CMSS1: variants seen among roughly 807,000 people sequenced by gnomAD.
CMSS1 encodes the protein protein CMSS1.
A neutral mutation model predicts 43.5 loss-of-function variants in CMSS1; 33 were observed. The ratio of observed to expected loss-of-function variants is 0.76; its 90% CI spans 0.57 to 1.01. The LOEUF (loss-of-function observed/expected upper bound fraction) is 1.01. CMSS1 is among the 50% of genes least tolerant of loss of function. The pLI, the probability that CMSS1 is intolerant of heterozygous loss-of-function variation, is 0.00. For missense variants in CMSS1, 313 were observed against 326.4 expected (o/e 0.96, Z 0.32); for synonymous variants, 115 against 117.2 (o/e 0.98, Z 0.12).
chr3:100,086,421 GAA>G (rs374149787), intron 1 of CMSS1, among the ~76,000 whole-genome samples: 6 of 151,696 alleles, frequency 4.0e-5, no homozygotes, highest in Admixed American at 2.0e-4. Context: ...CATAAAGGGG[GAA>G]AAAAAATCCA....
chr3:99,907,536 C>T (rs959977254), intron 1 of CMSS1, among the ~76,000 whole-genome samples: 5 of 152,192 alleles, frequency 3.3e-5, no homozygotes, highest in Admixed American at 6.5e-5. Flanking sequence ...CGTGAGCCAA[C>T]GCACCTGGCG....
intron 1 of CMSS1, among the ~76,000 whole-genome samples, chr3:99,956,991 A>G (rs1708339441): frequency 6.6e-6 from 1 of 152,214 alleles, no homozygotes; most frequent in African/African-American, 2.4e-5. Flanking sequence ...CCAGGGCTCT[A>G]GCTGGATTTA....
intron 1 of CMSS1, among the ~76,000 whole-genome samples, chr3:99,929,667 C>T (rs995853630): frequency 2.6e-5 from 4 of 152,230 alleles, no homozygotes; most frequent in East Asian, 1.9e-4. Context: ...ACCTAGTGGA[C>T]GCATCCTGTC....
chr3:99,962,442 T>C (rs1211566718), intron 1 of CMSS1, among the ~76,000 whole-genome samples: 1 of 152,216 alleles, frequency 6.6e-6, no homozygotes, highest in African/African-American at 2.4e-5. Context: ...ATATTATCTT[T>C]TGTTGTTAGA....
intron 1 of CMSS1, among the ~76,000 whole-genome samples, chr3:100,010,348 T>C (rs1385889558): frequency 2.0e-5 from 3 of 152,156 alleles, no homozygotes; most frequent in Non-Finnish European, 2.9e-5. Context: ...AAAAGGCATG[T>C]AACTGAGTAT....
intron 1 of CMSS1, chr3:99,929,910 A>G (rs1687013908): frequency 6.2e-7 from 1 of 1,613,684 alleles, no homozygotes. Context: ...ATTTCGCTTG[A>G]AAAGCATCTC....
At chr3:99,889,232 G>A (rs1226160565) in intron 1 of CMSS1, among the ~76,000 whole-genome samples, 1 of 152,028 alleles carries the variant, frequency 6.6e-6, no homozygotes, top group African/African-American at 2.4e-5. Flanking sequence ...TGATGGATTA[G>A]TTTGTCCTTG....
At chr3:100,162,672 T>C (rs897313048) in intron 4 of CMSS1, among the ~76,000 whole-genome samples, 8 of 151,926 alleles carry the variant, frequency 5.3e-5, no homozygotes, top group Admixed American at 3.9e-4. Flanking sequence ...ATAATAATTG[T>C]TTAAAGAGAC....
At chr3:99,889,577 A>G (rs1186892512) in intron 1 of CMSS1, among the ~76,000 whole-genome samples, 1 of 152,016 alleles carries the variant, frequency 6.6e-6, no homozygotes, top group African/African-American at 2.4e-5. Flanking sequence ...CTATGTTTAT[A>G]GTAATTATTT....
chr3:99,950,122 G>T (rs1194710925), intron 1 of CMSS1, among the ~76,000 whole-genome samples: 1 of 152,178 alleles, frequency 6.6e-6, no homozygotes, highest in Non-Finnish European at 1.5e-5. Context: ...ACAAAAGTAG[G>T]TAAAGTTTAT....
chr3:99,850,351 T>G, intron 1 of CMSS1: 2 of 1,613,142 alleles, frequency 1.2e-6, no homozygotes, highest in South Asian at 2.2e-5. Context: ...TTTCAGAGAG[T>G]AGCATTCTTG....
At chr3:99,849,970 T>C in intron 1 of CMSS1, 1 of 1,612,658 alleles carries the variant, frequency 6.2e-7, no homozygotes. Flanking sequence ...TTTCAATTTG[T>C]TTTTTAAATC....
chr3:100,121,412 A>T (rs1432916058), intron 1 of CMSS1, among the ~76,000 whole-genome samples: 2 of 152,136 alleles, frequency 1.3e-5, no homozygotes, highest in East Asian at 3.9e-4. Context: ...CCTGCAAAGG[A>T]CATGAACTCA....
chr3:100,095,694 T>A (rs1221819809), intron 1 of CMSS1, among the ~76,000 whole-genome samples: 1 of 152,134 alleles, frequency 6.6e-6, no homozygotes, highest in East Asian at 1.9e-4. Flanking sequence ...GAGAAACTTT[T>A]CAAGACATTG....
chr3:99,845,413 G>C (rs1268026212), intron 1 of CMSS1, among the ~76,000 whole-genome samples: 1 of 152,176 alleles, frequency 6.6e-6, no homozygotes, highest in Non-Finnish European at 1.5e-5. Flanking sequence ...AGAATGGTAT[G>C]AGTTTTTCAG....
At chr3:99,930,997 G>A (rs375109760) in intron 1 of CMSS1, 116 of 1,613,560 alleles carry the variant, frequency 7.2e-5, no homozygotes, top group Non-Finnish European at 9.2e-5. Context: ...CTGAGCCCTC[G>A]GTATCACTGC....
At chr3:100,173,683 G>A (rs1037655551) in intron 8 of CMSS1, among the ~76,000 whole-genome samples, 6 of 152,160 alleles carry the variant, frequency 3.9e-5, no homozygotes, top group Non-Finnish European at 5.9e-5. Context: ...GAAATAGGCC[G>A]GGAGGGTCAG....
chr3:99,884,821 AGG>A (rs1705841170), intron 1 of CMSS1, among the ~76,000 whole-genome samples: 3 of 152,236 alleles, frequency 2.0e-5, no homozygotes, highest in Non-Finnish European at 1.5e-5. Context: ...TGCTGTTTAC[AGG>A]TATAGATTTT....
chr3:99,950,705 C>G (rs114325547), intron 1 of CMSS1, among the ~76,000 whole-genome samples: 1 of 152,162 alleles, frequency 6.6e-6, no homozygotes, highest in South Asian at 2.1e-4. Flanking sequence ...TCTCTTTACA[C>G]GTTTCATATA....
Sources: gnomAD v4.1 joint callset for allele counts (sites outside exome capture counted in the v4.1 genomes callset) on GRCh38, gnomAD v4.1.1 for gene constraint, MANE v1.5 for transcripts, NCBI Gene and HGNC (gene_info 2026-07-23, HGNC 2026-07-21) for gene names.